HMCN2: variants seen among roughly 807,000 people sequenced by gnomAD.
HMCN2 encodes hemicentin 2, also known as hemicentin-2.
A neutral mutation model predicts 377.5 loss-of-function variants in HMCN2; 325 were observed. That is an observed-to-expected ratio of 0.86 (90% CI 0.79 to 0.94). The LOEUF (loss-of-function observed/expected upper bound fraction) is 0.94, where lower values mean the gene tolerates loss of function less well. Among genes scored for constraint, HMCN2 ranks in the 40% least tolerant of loss-of-function variants. The pLI, the probability that HMCN2 is intolerant of heterozygous loss-of-function variation, is 0.00. For synonymous variants in HMCN2, 2,007 were observed against 2,046.8 expected (o/e 0.98, Z 0.53); for missense variants, 4,543 against 4,725.3 (o/e 0.96, Z 1.13).
Position 130,425,794 on chromosome 9 carries a change from C to T in HMCN2, c.13749C>T (p.Ser4583=). The change falls in exon 90 of 98, where the codon AGC becomes AGT. Residue 4583 remains serine, a synonymous_variant. Transcript: ENST00000683500. The part of the protein sequence containing the change: ...GLPSFLRCNH[S]IQYNAARGPQ... ...CCTCGTTCCTACGCTGCAACCACAG[C>T]ATCCAGTACAACGCGGCCCGGGGCC... 2 of 1,550,682 alleles carry T rather than the reference C, an allele frequency of 1.3e-6. No homozygotes were observed. The highest frequency in any genetic ancestry group is 1.7e-6 in the Non-Finnish European group (2 of 1,147,012).
intron 31 of HMCN2, among the ~76,000 whole-genome samples, chr9:130,353,543 C>G (rs1839846275): frequency 4.6e-5 from 7 of 152,232 alleles, no homozygotes; most frequent in Admixed American, 4.6e-4. Flanking sequence ...GCCCTCAGCT[C>G]ATCACTTCTG....
At chr9:130,370,822 G>A in intron 45 of HMCN2, 142 bp from the exon 46 acceptor site, 1 of 382,546 alleles carries the variant, frequency 2.6e-6, no homozygotes, top group Non-Finnish European at 3.6e-6. Context: ...ACTTTAGGGG[G>A]AGCAGCTCTG....
At chr9:130,348,226 G>T (rs539875288) in intron 26 of HMCN2, among the ~76,000 whole-genome samples, 2 of 152,330 alleles carry the variant, frequency 1.3e-5, no homozygotes, top group East Asian at 3.9e-4. Context: ...TTCTCACTCA[G>T]GGGGACCCTC....
At chr9:130,344,560 T>C (rs1230708096) in intron 25 of HMCN2, among the ~76,000 whole-genome samples, 16 of 149,202 alleles carry the variant, frequency 1.1e-4, no homozygotes, top group Non-Finnish European at 2.2e-4. Context: ...TGGTGTTTGG[T>C]ATGTGGGGTG....
At chr9:130,332,547 G>A (rs1214689270) in intron 22 of HMCN2, among the ~76,000 whole-genome samples, 4 of 152,172 alleles carry the variant, frequency 2.6e-5, no homozygotes, top group Non-Finnish European at 4.4e-5. Flanking sequence ...CACCATCCTC[G>A]TTAGCAGCAC....
intron 85 of HMCN2, among the ~76,000 whole-genome samples, chr9:130,411,166 C>T (rs1286681882): frequency 3.3e-5 from 5 of 151,866 alleles, no homozygotes; most frequent in Non-Finnish European, 7.4e-5. Flanking sequence ...CCCACCTCTG[C>T]TTACTGCCCC....
chr9:130,341,064 T>A (rs2131475127), intron 23 of HMCN2, 47 bp from the exon 24 acceptor site: 1 of 152,392 alleles, frequency 6.6e-6, no homozygotes, highest in Admixed American at 6.5e-5. Flanking sequence ...TCTGGGACCC[T>A]CTCGCCTGGG....
chr9:130,381,226 C>T (rs2131633614), intron 54 of HMCN2, among the ~76,000 whole-genome samples: 1 of 152,316 alleles, frequency 6.6e-6, no homozygotes, highest in Non-Finnish European at 1.5e-5. Context: ...GGCCACTGGG[C>T]TCTGCAGGCT....
In HMCN2 at chr9:130,354,392, C is replaced by G. The variant is rs542451364; in HGVS notation, c.4865-371C>G. On this transcript the variant is annotated intron_variant, in intron 31 of 97. Transcript: ENST00000683500. ...CTGAGACCAGGGAGGGAGGGGACTT[C>G]CAGGAGCAGAGCTCTGTCCCGGCCC... Among the ~76,000 whole-genome samples, 17 of 152,308 alleles carry G rather than the reference C, an allele frequency of 1.1e-4. No homozygotes were observed. In the East Asian group the frequency reaches 3.3e-3, roughly 29 times the overall value.
At chr9:130,405,816 T>G in intron 81 of HMCN2, 139 bp from the exon 82 acceptor site, 1 of 497,176 alleles carries the variant, frequency 2.0e-6, no homozygotes, top group Non-Finnish European at 3.3e-6. Context: ...TGCTGACCCG[T>G]TTGCTAGCTG....
chr9:130,322,892 T>G (rs1311664955), intron 19 of HMCN2, among the ~76,000 whole-genome samples: 5 of 152,360 alleles, frequency 3.3e-5, no homozygotes, highest in African/African-American at 1.2e-4. Context: ...TAATATCGTC[T>G]TTTTTCTTGT....
intron 13 of HMCN2, among the ~76,000 whole-genome samples, chr9:130,307,157 G>A (rs1300217984): frequency 6.6e-6 from 1 of 152,158 alleles, no homozygotes; most frequent in African/African-American, 2.4e-5. Context: ...GCAAAGAACT[G>A]GGAGCCTCCT....
In HMCN2 at chr9:130,296,746, A is replaced by G. The variant is rs1554932303; in HGVS notation, c.964A>G (p.Thr322Ala). ...SNIDFRAGFS[T>A]QPLLDLNHTL... ...CATTGACTTCCGAGCCGGCTTCTCC[A>G]CTCAGCCCTTGCTGGACCTCAACCA... Residue 322 changes from threonine to alanine, a missense_variant, in exon 7 of 98, where the codon ACT (threonine) becomes GCT (alanine). Physicochemically the swap from Thr to Ala is moderately conservative, Grantham distance 58. Around this residue, in one of 5 missense-constraint regions of HMCN2, gnomAD observed 547 missense variants for 189.9 expected, o/e 2.88. Transcript: ENST00000683500. 1 of 471,044 alleles carries G rather than the reference A, an allele frequency of 2.1e-6. No individual in the cohort carries two copies. 29.2% of individuals were successfully genotyped at this position (471,044 alleles called of 1,614,324 possible).
chr9:130,285,677 G>A (rs1439778525), intron 3 of HMCN2, among the ~76,000 whole-genome samples: 1 of 152,200 alleles, frequency 6.6e-6, no homozygotes, highest in Non-Finnish European at 1.5e-5. Context: ...CTTTGCCATT[G>A]TCTCAGGGTT....
At chr9:130,338,413 G>GA (rs1343345442) in intron 23 of HMCN2, 17,078 of 152,282 alleles carry the variant, frequency 0.11, 1,547 homozygotes, top group African/African-American at 0.24. Context: ...GTGGCGATGG[G>GA]AAGAGGCCTG....
chr9:130,397,704 A>T lies in HMCN2; in HGVS notation c.11326+49A>T, dbSNP rs568845559. ...CAGTGTCCAGTCCCTGTCGGGGTCC[A>T]GTCCTTCTTAGTTTCTGAGTCACCC... On this transcript the variant is annotated intron_variant, in intron 74 of 97. Coordinates refer to ENST00000683500, the MANE Select transcript of HMCN2 (RefSeq NM_001291815.2). The T allele has an allele frequency of 7.8e-6, 10 of 1,276,036 alleles. No individual in the cohort carries two copies. In the South Asian group the frequency reaches 1.2e-4, roughly 16 times the overall value. 79.0% of individuals were successfully genotyped at this position (1,276,036 alleles called of 1,614,324 possible).
Position 130,371,149 on chromosome 9 carries a change from G to A in HMCN2, c.7237+18G>A, listed in dbSNP as rs1268457919. On this transcript the variant is annotated intron_variant, in intron 46 of 97. Transcript: ENST00000683500. ...GCTGGCAGGTAAGATACCAGCTAAG[G>A]TTGGATCCTGGGAATCAGGTCGGGC... The A allele has an allele frequency of 1.0e-6, 1 of 985,644 alleles. No homozygotes were observed. The allele number at this position is 985,644 out of a possible 1,614,324, so 61.1% of individuals were successfully genotyped here. A position where few individuals can be genotyped will look rare whatever the true frequency, so the allele number is the denominator to read the frequency against.
rs991170834 is a variant in HMCN2 at position 130,433,586 on chromosome 9, C to T, written c.15133C>T (p.Arg5045Cys). ...RAGLGAVYTRRALTRAGLYRL... is the reference protein window; with the variant it reads ...RAGLGAVYTRCALTRAGLYRL... ...GGGCCTTGGCGCGGTCTACACCCGT[C>T]GCGCGCTCACCCGCGCCGGCCTCTA... Residue 5045 changes from arginine to cysteine, a missense_variant, in exon 98 of 98, where the codon CGC (arginine) becomes TGC (cysteine). Physicochemically the swap from Arg to Cys is radical, Grantham distance 180. This residue lies in a region of HMCN2 where 1,155 missense variants were observed against 1,157.7 expected (regional missense o/e 1.00). Coordinates refer to ENST00000683500, the MANE Select transcript of HMCN2 (RefSeq NM_001291815.2). The T allele has an allele frequency of 2.7e-6, 4 of 1,508,828 alleles. No individual in the cohort carries two copies. The African/African-American group carries it at 4.4e-5, about 17-fold the overall frequency. 93.5% of individuals were successfully genotyped at this position (1,508,828 alleles called of 1,614,324 possible). A position where few individuals can be genotyped will look rare whatever the true frequency, so the allele number is the denominator to read the frequency against.
intron 97 of HMCN2, 127 bp from the exon 98 acceptor site, chr9:130,433,221 C>A: frequency 1.4e-6 from 1 of 690,056 alleles, no homozygotes; most frequent in Non-Finnish European, 2.2e-6. Context: ...TGGGGCTCTG[C>A]GGGAGAAGGA....
Sources: allele counts gnomAD v4.1 joint callset (sites outside exome capture counted in the v4.1 genomes callset), GRCh38; gene constraint gnomAD v4.1.1; regional missense constraint gnomAD v4.1.1; transcripts MANE v1.5; gene names NCBI Gene and HGNC (gene_info 2026-07-23, HGNC 2026-07-21).